ASIC2: variants seen among roughly 807,000 people sequenced by gnomAD.
ASIC2 encodes acid sensing ion channel subunit 2.
Under a neutral mutation model 57.3 loss-of-function variants are expected in ASIC2, and 25 were observed. That is an observed-to-expected ratio of 0.44 (90% CI 0.32 to 0.61). The LOEUF (loss-of-function observed/expected upper bound fraction) is 0.61. ASIC2 is among the 20% of genes least tolerant of loss of function. ASIC2 has a pLI of 0.06. For missense variants in ASIC2, 641 were observed against 738.1 expected (o/e 0.87, Z 1.52); for synonymous variants, 319 against 307.5 (o/e 1.04, Z -0.39).
intron 1 of ASIC2, among the ~76,000 whole-genome samples, chr17:33,134,132 A>G (rs1597595760): frequency 6.6e-6 from 1 of 152,348 alleles, no homozygotes; most frequent in Admixed American, 6.5e-5. Context: ...AAGTAATATT[A>G]CATATGCAAG....
chr17:33,576,176 G>A (rs575334634), intron 1 of ASIC2, among the ~76,000 whole-genome samples: 1 of 152,258 alleles, frequency 6.6e-6, no homozygotes, highest in Non-Finnish European at 1.5e-5. Flanking sequence ...TTTCAGGCTT[G>A]CATTCTGCCC....
At chr17:33,171,890 G>A (rs1326881172) in intron 1 of ASIC2, among the ~76,000 whole-genome samples, 5 of 152,158 alleles carry the variant, frequency 3.3e-5, no homozygotes, top group Non-Finnish European at 7.3e-5. Flanking sequence ...TGCCTGGAAA[G>A]CCCTTCTCTG....
chr17:33,164,536 C>T (rs1236381620), intron 1 of ASIC2, among the ~76,000 whole-genome samples: 1 of 151,710 alleles, frequency 6.6e-6, no homozygotes, highest in Non-Finnish European at 1.5e-5. Flanking sequence ...AGAGAGCTCA[C>T]CAGGCTCTCT....
chr17:34,022,766 T>C (rs1736474477), intron 1 of ASIC2, among the ~76,000 whole-genome samples: 1 of 152,212 alleles, frequency 6.6e-6, no homozygotes, highest in East Asian at 1.9e-4. Context: ...TTAACTCTTC[T>C]TTTTACATTC....
chr17:33,318,058 A>C (rs1159224883), intron 1 of ASIC2, among the ~76,000 whole-genome samples: 1 of 152,082 alleles, frequency 6.6e-6, no homozygotes, highest in Non-Finnish European at 1.5e-5. Flanking sequence ...ATTTGGGTAG[A>C]GTCTGACATT....
At chr17:33,803,595 T>C (rs893257390) in intron 1 of ASIC2, among the ~76,000 whole-genome samples, 1 of 150,592 alleles carries the variant, frequency 6.6e-6, no homozygotes, top group South Asian at 2.1e-4. Context: ...TCTTTTTTTT[T>C]TTTTTTTTTT....
chr17:33,052,853 A>T (rs2091982743), intron 3 of ASIC2: 2 of 152,344 alleles, frequency 1.3e-5, no homozygotes, highest in South Asian at 4.1e-4. Flanking sequence ...TAGGAGAGGC[A>T]CGTGACTAGT....
At chr17:33,402,224 T>C (rs1452966126) in intron 1 of ASIC2, among the ~76,000 whole-genome samples, 1 of 152,170 alleles carries the variant, frequency 6.6e-6, no homozygotes, top group Non-Finnish European at 1.5e-5. Flanking sequence ...CTTCATATTT[T>C]CTTCTACTTT....
intron 3 of ASIC2, among the ~76,000 whole-genome samples, chr17:33,047,657 A>C (rs187876722): frequency 1.3e-5 from 2 of 152,286 alleles, no homozygotes; most frequent in East Asian, 3.9e-4. Context: ...ACAGCAAGTA[A>C]AGTACTTTCA....
At chr17:33,531,643 C>G (rs996344178) in intron 1 of ASIC2, among the ~76,000 whole-genome samples, 2 of 152,182 alleles carry the variant, frequency 1.3e-5, no homozygotes, top group African/African-American at 4.8e-5. Context: ...CTTGTGGTTG[C>G]ATACATCCAC....
At chr17:33,137,758 A>T (rs1368753305) in intron 1 of ASIC2, among the ~76,000 whole-genome samples, 1 of 152,204 alleles carries the variant, frequency 6.6e-6, no homozygotes, top group Non-Finnish European at 1.5e-5. Context: ...AATAGAGTAC[A>T]TGGAGGTGAT....
chr17:33,542,803 G>A (rs1225343661), intron 1 of ASIC2, among the ~76,000 whole-genome samples: 2 of 143,208 alleles, frequency 1.4e-5, no homozygotes, highest in East Asian at 2.1e-4. Flanking sequence ...TTGGTGTTTT[G>A]GACATGAAGT....
At chr17:33,485,822 T>C (rs1913558257) in intron 1 of ASIC2, among the ~76,000 whole-genome samples, 1 of 152,184 alleles carries the variant, frequency 6.6e-6, no homozygotes, top group East Asian at 1.9e-4. Flanking sequence ...GCTTGGTGTA[T>C]AGTGGTGCAC....
chr17:33,691,151 AC>A (rs1908355328), intron 1 of ASIC2, among the ~76,000 whole-genome samples: 1 of 152,078 alleles, frequency 6.6e-6, no homozygotes, highest in African/African-American at 2.4e-5. Context: ...TTACTTCCAA[AC>A]TTTTGTTGTT....
At chr17:33,721,621 C>T (rs1159599233) in intron 1 of ASIC2, among the ~76,000 whole-genome samples, 1 of 152,202 alleles carries the variant, frequency 6.6e-6, no homozygotes, top group Non-Finnish European at 1.5e-5. Flanking sequence ...ACATTTTAAA[C>T]ACTGATCCTC....
Position 33,158,159 on chromosome 17 carries a change from C to T in ASIC2, c.709-46092G>A, listed in dbSNP as rs12450093. Among the ~76,000 whole-genome samples the T allele has an allele frequency of 2.2e-3, 340 of 152,322 alleles. 6 individuals carry two copies. The East Asian group carries it at 0.029, about 13-fold the overall frequency. On this transcript the variant is annotated intron_variant, in intron 1 of 9. Coordinates refer to ENST00000225823, the MANE Select transcript of ASIC2 (RefSeq NM_183377.2). The stretch of plus-strand genomic sequence containing the variant: ...ACCATCTGGTATCCTACCAGTATAA[C>T]CCTACTGATTTGTTTATTGTCTGTC...
intron 1 of ASIC2, among the ~76,000 whole-genome samples, chr17:33,893,924 T>C (rs1915024444): frequency 6.6e-6 from 1 of 152,184 alleles, no homozygotes; most frequent in Non-Finnish European, 1.5e-5. Context: ...TTTGGAGAAC[T>C]TCCTCTTCCA....
At chr17:34,090,997 T>G (rs1053164353) in intron 1 of ASIC2, among the ~76,000 whole-genome samples, 7 of 152,236 alleles carry the variant, frequency 4.6e-5, no homozygotes, top group African/African-American at 1.7e-4. Context: ...AGTTGCTCCA[T>G]CAGCCTACCT....
At chr17:34,061,731 T>G (rs1217029269) in intron 1 of ASIC2, among the ~76,000 whole-genome samples, 2 of 151,062 alleles carry the variant, frequency 1.3e-5, no homozygotes, top group East Asian at 3.9e-4. Flanking sequence ...GCTATTCTTA[T>G]ATCAGACAAA....
Sources: allele counts gnomAD v4.1 joint callset (sites outside exome capture counted in the v4.1 genomes callset), GRCh38; gene constraint gnomAD v4.1.1; transcripts MANE v1.5; gene names NCBI Gene and HGNC (gene_info 2026-07-23, HGNC 2026-07-21).